Variants in NYNRIN observed in about 807,000 individuals in gnomAD.
The protein encoded by NYNRIN is NYN domain and retroviral integrase containing.
In NYNRIN, 86 loss-of-function variants were observed where a neutral mutation model predicts 146.6. The observed-to-expected ratio is 0.59, with a 90% CI of 0.49 to 0.70. NYNRIN has a LOEUF of 0.70. NYNRIN is among the 30% of genes least tolerant of loss of function. NYNRIN has a pLI of 0.00. For missense variants in NYNRIN, 2,191 were observed against 2,377.7 expected (o/e 0.92, Z 1.63); for synonymous variants, 1,027 against 1,001.3 (o/e 1.03, Z -0.48).
chr14:24,400,292 A>G (rs77803437), intron 2 of NYNRIN, among the ~76,000 whole-genome samples: 48 of 152,264 alleles, frequency 3.2e-4, no homozygotes, highest in African/African-American at 1.1e-3. Flanking sequence ...TTCTCTCACA[A>G]GCTTTTCCTC....
chr14:24,409,339 G>A lies in NYNRIN; in HGVS notation c.1545G>A (p.Val515=), dbSNP rs1000777789. 1.9e-6 allele frequency: 3 copies of A among 1,613,942 alleles called. No homozygotes were observed. Among genetic ancestry groups the A allele is most frequent in the Non-Finnish European group, 2.5e-6 (3 of 1,179,920 alleles). ...GACTGGAAGAGGGACCCGCTCCAGT[G>A]CTGCCAACAGGGCAAGGGAAGCCCG... ...FKGLEEGPAP[V]LPTGQGKPVA... is the part of the protein sequence containing the mutation. Residue 515 remains valine, a synonymous_variant, in exon 4 of 9, where the codon GTG becomes GTA. Coordinates refer to ENST00000382554, the MANE Select transcript of NYNRIN (RefSeq NM_025081.3).
chr14:24,416,782 A>G lies in NYNRIN; in HGVS notation c.5033A>G (p.Glu1678Gly), dbSNP rs757821591. The G allele has an allele frequency of 6.2e-7, 1 of 1,613,216 alleles. No homozygotes were observed. The highest frequency in any genetic ancestry group is 8.5e-7 in the Non-Finnish European group (1 of 1,179,702). The change falls in exon 9 of 9, where the codon GAG (glutamate) becomes GGG (glycine). Residue 1678 changes from glutamate (E) to glycine (G), a missense_variant. Coordinates refer to ENST00000382554, the MANE Select transcript of NYNRIN (RefSeq NM_025081.3). The part of the protein sequence containing the change: ...FARWGVPVRL[E>G]AAQGPQFARH... ...AGGTGGGGTGTTCCTGTGAGGCTGGAGGCAGCCCAGGGGCCCCAGTTTGCC... is the reference window on the plus strand; with the variant it reads ...AGGTGGGGTGTTCCTGTGAGGCTGGGGGCAGCCCAGGGGCCCCAGTTTGCC...
intron 7 of NYNRIN, 47 bp from the exon 8 acceptor site, chr14:24,413,269 G>A (rs1208125276): frequency 2.6e-6 from 4 of 1,549,882 alleles, no homozygotes; most frequent in Non-Finnish European, 3.5e-6. Flanking sequence ...GGGTGTGGGT[G>A]GGTCAAGGGC....
chr14:24,415,462 C>G lies in NYNRIN; in HGVS notation c.3713C>G (p.Thr1238Ser). 1 of 1,613,936 alleles carries G rather than the reference C, an allele frequency of 6.2e-7. No individual in the cohort carries two copies. The highest frequency in any genetic ancestry group is 8.5e-7 in the Non-Finnish European group (1 of 1,179,872). ...CTGGACCTTTCCTATGCCTCCCGGA[C>G]CACTGCGGACCCTGAGGTGCGGGAG... ...VVLDLSYASR[T>S]TADPEVREGR... Residue 1238 changes from threonine to serine, a missense_variant, in exon 9 of 9, where the codon ACC becomes AGC. By Grantham distance (58) the Thr-to-Ser change is moderately conservative. Coordinates refer to ENST00000382554, the MANE Select transcript of NYNRIN (RefSeq NM_025081.3).
rs1178849916 is a variant in NYNRIN, at chr14:24,416,204, C to T, written c.4455C>T (p.Asp1485=). 6.2e-7 allele frequency: 1 copy of T among 1,613,990 alleles called. No homozygotes were observed. Among genetic ancestry groups the T allele is most frequent in the East Asian group, 2.2e-5 (1 of 44,874 alleles). ...ATTTGCTGGCATTACAGCTGAGTGA[C>T]AGCACCCTGGCCGACATCATTGCCA... is the stretch of plus-strand genomic sequence containing the variant. The part of the protein sequence containing the change: ...RPNLLALQLS[D]STLADIIARL... The change falls in exon 9 of 9, where the codon GAC becomes GAT. Residue 1485 remains aspartate, a synonymous_variant. Transcript: ENST00000382554.
Position 24,409,746 on chromosome 14 carries a change from C to G in NYNRIN, c.1952C>G (p.Ala651Gly), listed in dbSNP as rs936291554. ...KTPKAQAGPAATVSKAPAASK... is the reference protein window; with the variant it reads ...KTPKAQAGPAGTVSKAPAASK... ...CCCAAAGCTCAAGCCGGGCCTGCAG[C>G]TACAGTTTCCAAAGCACCTGCAGCT... Residue 651 changes from alanine to glycine, a missense_variant, in exon 4 of 9, where the codon GCT becomes GGT. Coordinates refer to ENST00000382554, the MANE Select transcript of NYNRIN (RefSeq NM_025081.3). 2 of 1,610,224 alleles carry G rather than the reference C, an allele frequency of 1.2e-6. No homozygotes were observed. Among genetic ancestry groups the G allele is most frequent in the African/African-American group, 1.3e-5 (1 of 74,802 alleles).
rs781725497 is a variant in NYNRIN at position 24,411,049 on chromosome 14, G to T, written c.2415-27G>T. 9.9e-6 allele frequency: 16 copies of T among 1,613,100 alleles called. No individual in the cohort carries two copies. In the South Asian group the frequency reaches 1.1e-4, roughly 11 times the overall value. The stretch of plus-strand genomic sequence containing the variant: ...TCTGAGGGAGGAGTGGTGAGGCAGG[G>T]TCTTTCCTTGTCCCACGACCCCACA... On this transcript the variant is annotated intron_variant, in intron 4 of 8. Coordinates refer to ENST00000382554, the MANE Select transcript of NYNRIN (RefSeq NM_025081.3). The surrounding 1 kb of genome is among the most constrained non-coding windows in gnomAD (Gnocchi z 4.3).
Position 24,408,793 on chromosome 14 carries a change from C to A in NYNRIN, c.999C>A (p.Leu333=). 3 of 1,614,066 alleles carry A rather than the reference C, an allele frequency of 1.9e-6. No homozygotes were observed. The highest frequency in any genetic ancestry group is 2.5e-6 in the Non-Finnish European group (3 of 1,179,892). Residue 333 remains leucine (L), a synonymous_variant, in exon 4 of 9, where the codon CTC becomes CTA. Coordinates refer to ENST00000382554, the MANE Select transcript of NYNRIN (RefSeq NM_025081.3). ...TCCAGAAGATAGAAGATAAACTCCT[C>A]TTCCAACCTCCAGTATCAGCCCTGG... ...RQVQKIEDKL[L]FQPPVSALGV...
At chr14:24,399,522 C>G in intron 2 of NYNRIN, 78 bp downstream of exon 2, 1 of 1,310,284 alleles carries the variant, frequency 7.6e-7, no homozygotes, top group Middle Eastern at 1.9e-4. Context: ...AGATGGTGGT[C>G]CGCAGAGACA....
chr14:24,402,576 T>C (rs1286717331), intron 2 of NYNRIN, among the ~76,000 whole-genome samples: 2 of 152,094 alleles, frequency 1.3e-5, no homozygotes, highest in Admixed American at 6.5e-5. Flanking sequence ...CCCTGAGAGT[T>C]GGTTGCGGTC....
In NYNRIN at chr14:24,408,095, G is replaced by A. The variant is rs768200995; in HGVS notation, c.425G>A (p.Arg142His). The A allele has an allele frequency of 7.4e-6, 12 of 1,612,848 alleles. No homozygotes were observed. Among genetic ancestry groups the A allele is most frequent in the South Asian group, 1.1e-5 (1 of 91,034 alleles). ...NWLEELVGRL[R>H]WGPAPLLTPR... ...CTGGAGGAGCTGGTGGGGCGACTGC[G>A]CTGGGGCCCTGCCCCTCTGCTGACC... is the stretch of plus-strand genomic sequence containing the variant. The change falls in exon 3 of 9, where the codon CGC (arginine) becomes CAC (histidine). Residue 142 changes from arginine (R) to histidine (H), a missense_variant. Transcript: ENST00000382554.
intron 2 of NYNRIN, among the ~76,000 whole-genome samples, chr14:24,403,744 T>C (rs2042859245): frequency 6.6e-6 from 1 of 152,214 alleles, no homozygotes; most frequent in African/African-American, 2.4e-5. Flanking sequence ...GCTTCTTTCT[T>C]ACTTGGTTTG....
Position 24,409,578 on chromosome 14 carries a change from C to A in NYNRIN, c.1784C>A (p.Pro595Gln). 1 of 1,610,758 alleles carries A rather than the reference C, an allele frequency of 6.2e-7. No homozygotes were observed. The highest frequency in any genetic ancestry group is 1.1e-5 in the South Asian group (1 of 90,458). Residue 595 changes from proline to glutamine, a missense_variant, in exon 4 of 9, where the codon CCA becomes CAA. By Grantham distance (76) the Pro-to-Gln change is moderately conservative. This residue lies in a region of NYNRIN where 895 missense variants were observed against 941.2 expected (regional missense o/e 0.95). Coordinates refer to ENST00000382554, the MANE Select transcript of NYNRIN (RefSeq NM_025081.3). ...GAAGTGCCTTTGGCTCCAACAAAGC[C>A]AACAGCTCAACTGATGGCCACAGCT... is the stretch of plus-strand genomic sequence containing the variant. ...APEVPLAPTK[P>Q]TAQLMATAQK...
chr14:24,415,213 A>G lies in NYNRIN; in HGVS notation c.3464A>G (p.Asn1155Ser). The change falls in exon 9 of 9, where the codon AAC (asparagine) becomes AGC (serine). Residue 1155 changes from asparagine to serine, a missense_variant. Asn to Ser is a conservative substitution (Grantham distance 46). This residue lies in a region of NYNRIN where 1,291 missense variants were observed against 1,417.0 expected (regional missense o/e 0.91). Transcript: ENST00000382554. ...TCTGCCCTCTGCCTGATGGCCCCCA[A>G]CTCCCAGCTGCCCTTCCGCCTGGAG... ...LVSALCLMAP[N>S]SQLPFRLEVT... The G allele has an allele frequency of 6.2e-7, 1 of 1,611,732 alleles. No homozygotes were observed. Among genetic ancestry groups the G allele is most frequent in the Non-Finnish European group, 8.5e-7 (1 of 1,179,760 alleles).
At chr14:24,405,932 C>T (rs918773451) in intron 2 of NYNRIN, among the ~76,000 whole-genome samples, 2 of 151,982 alleles carry the variant, frequency 1.3e-5, no homozygotes, top group South Asian at 2.1e-4. Flanking sequence ...GAGTCTGAGG[C>T]GGGTGGATCG....
chr14:24,404,372 A>T (rs1168896146), intron 2 of NYNRIN, among the ~76,000 whole-genome samples: 1 of 152,214 alleles, frequency 6.6e-6, no homozygotes, highest in Non-Finnish European at 1.5e-5. Flanking sequence ...TACGCTTTTT[A>T]AATCCAATTT....
At chr14:24,401,418 A>G (rs952624611) in intron 2 of NYNRIN, among the ~76,000 whole-genome samples, 4 of 140,196 alleles carry the variant, frequency 2.9e-5, no homozygotes, top group African/African-American at 1.1e-4. Flanking sequence ...TTGGAGAAGG[A>G]GGACAGGGAA....
Position 24,418,316 on chromosome 14 carries a change from G to A in NYNRIN, c.*870G>A, listed in dbSNP as rs781505944. Reference sequence around the variant, plus strand: ...GGCCTCTGTTTTAAGGGGGCAGGGCGTCTGCAACAGGAGTGGCACACGGTG... The same window carrying A: ...GGCCTCTGTTTTAAGGGGGCAGGGCATCTGCAACAGGAGTGGCACACGGTG... On this transcript the variant is annotated 3_prime_UTR_variant, in exon 9 of 9. Coordinates refer to ENST00000382554, the MANE Select transcript of NYNRIN (RefSeq NM_025081.3). The A allele has an allele frequency of 8.8e-5, 40 of 455,676 alleles. No individual in the cohort carries two copies. The highest frequency in any genetic ancestry group is 3.8e-4 in the Admixed American group (16 of 42,384). 28.2% of individuals were successfully genotyped at this position (455,676 alleles called of 1,614,324 possible).
intron 2 of NYNRIN, among the ~76,000 whole-genome samples, chr14:24,404,003 C>T (rs2042861355): frequency 6.6e-6 from 1 of 152,160 alleles, no homozygotes; most frequent in South Asian, 2.1e-4. Context: ...CAGTTTTCCC[C>T]AATGTTCTGC....
Sources: gnomAD v4.1 joint callset for allele counts (sites outside exome capture counted in the v4.1 genomes callset) on GRCh38, gnomAD v4.1.1 for gene constraint, gnomAD v4.1.1 regional missense constraint, Gnocchi (gnomAD v3.1) non-coding constraint, MANE v1.5 for transcripts, NCBI Gene and HGNC (gene_info 2026-07-23, HGNC 2026-07-21) for gene names.